Variants in PPP1R42 observed in about 807,000 individuals in gnomAD.
The protein encoded by PPP1R42 is leucine rich repeat containing 67.
In PPP1R42, 34 loss-of-function variants were observed where a neutral mutation model predicts 31.0. The observed-to-expected ratio is 1.10, with a 90% CI of 0.83 to 1.46. The LOEUF (loss-of-function observed/expected upper bound fraction) is 1.46, where lower values mean the gene tolerates loss of function less well. Among genes scored for constraint, PPP1R42 ranks in the 40% most tolerant of loss-of-function variants. The pLI is 0.00. For synonymous variants in PPP1R42, 103 were observed against 109.8 expected (o/e 0.94, Z 0.39); for missense variants, 268 against 303.0 (o/e 0.88, Z 0.86).
At chr8:67,002,719 C>T (rs1295987629) in intron 5 of PPP1R42, among the ~76,000 whole-genome samples, 12 of 137,118 alleles carry the variant, frequency 8.8e-5, no homozygotes, top group African/African-American at 3.0e-4. Context: ...CTGTTGCCCC[C>T]GCTTTTTTTT....
intron 5 of PPP1R42, among the ~76,000 whole-genome samples, chr8:67,003,918 G>A (rs554901829): frequency 2.6e-4 from 40 of 152,168 alleles, no homozygotes; most frequent in African/African-American, 8.4e-4. Context: ...GTGAAACCCC[G>A]TCTCTACTAA....
At chr8:66,986,463 C>T (rs1385286049) in intron 6 of PPP1R42, among the ~76,000 whole-genome samples, 1 of 152,194 alleles carries the variant, frequency 6.6e-6, no homozygotes, top group Non-Finnish European at 1.5e-5. Flanking sequence ...TCTGACTGCC[C>T]TAGGCCTGTT....
At chr8:67,009,968 A>C (rs1311276894) in intron 5 of PPP1R42, among the ~76,000 whole-genome samples, 1 of 152,222 alleles carries the variant, frequency 6.6e-6, no homozygotes, top group Admixed American at 6.5e-5. Context: ...ACCACAGCTC[A>C]TTCCGTTGCC....
chr8:67,006,534 T>C (rs1390165199), intron 5 of PPP1R42, among the ~76,000 whole-genome samples: 2 of 152,152 alleles, frequency 1.3e-5, no homozygotes, highest in African/African-American at 2.4e-5. Flanking sequence ...GCTAATTTCT[T>C]TTTTAATTTT....
chr8:67,011,811 C>T (rs975932518), intron 4 of PPP1R42, among the ~76,000 whole-genome samples: 2 of 152,108 alleles, frequency 1.3e-5, no homozygotes, highest in African/African-American at 4.8e-5. Context: ...AGTGTAGTAT[C>T]TGTTCTTGTT....
At chr8:67,012,934 C>A in intron 4 of PPP1R42, 24 bp downstream of exon 4, 1 of 1,583,342 alleles carries the variant, frequency 6.3e-7, no homozygotes, top group South Asian at 1.2e-5. Flanking sequence ...TATTCCTTGT[C>A]AAAATATTCA....
chr8:67,014,764 G>C (rs897358819), intron 2 of PPP1R42, among the ~76,000 whole-genome samples, 172 bp from the exon 3 acceptor site: 17 of 152,046 alleles, frequency 1.1e-4, no homozygotes, highest in African/African-American at 3.6e-4. Context: ...GATTACAAAA[G>C]AAATTCTGTA....
chr8:67,014,589 C>T lies in PPP1R42; in HGVS notation c.133G>A (p.Asp45Asn), dbSNP rs760196151. Reference sequence around the variant, plus strand: ...CTAAGATTTTTGCAAAGAGAGAGGTCTTCCTAAAAGGGAAACAAAAACATG... The same window carrying T: ...CTAAGATTTTTGCAAAGAGAGAGGTTTTCCTAAAAGGGAAACAAAAACATG... ...FSDKNIDAIE[D>N]LSLCKNLSVL... The change falls in exon 3 of 8, where the codon GAC becomes AAC. Residue 45 changes from aspartate (D) to asparagine (N), a missense_variant. Transcript: ENST00000685739. 71 of 1,525,388 alleles carry T rather than the reference C, an allele frequency of 4.7e-5. No individual in the cohort carries two copies. Among genetic ancestry groups the T allele is most frequent in the Admixed American group, 6.3e-5 (3 of 47,290 alleles). The allele number at this position is 1,525,388 out of a possible 1,614,324, so 94.5% of individuals were successfully genotyped here.
chr8:67,001,012 T>A (rs558991429), intron 5 of PPP1R42, among the ~76,000 whole-genome samples: 1 of 152,206 alleles, frequency 6.6e-6, no homozygotes, highest in African/African-American at 2.4e-5. Flanking sequence ...AGGATTGTTA[T>A]GTTTTCTTAA....
chr8:66,964,867 C>A (rs985230444), intron 7 of PPP1R42, among the ~76,000 whole-genome samples: 2 of 152,106 alleles, frequency 1.3e-5, no homozygotes, highest in African/African-American at 4.8e-5. Flanking sequence ...TTATAACCAT[C>A]AATGCAATAA....
intron 5 of PPP1R42, among the ~76,000 whole-genome samples, chr8:67,001,285 A>C (rs1815478697): frequency 6.6e-6 from 1 of 150,446 alleles, no homozygotes; most frequent in Non-Finnish European, 1.5e-5. Context: ...TCCTGGGCTC[A>C]AGTGATCCTC....
intron 5 of PPP1R42, among the ~76,000 whole-genome samples, chr8:66,995,323 A>G (rs1395168218): frequency 2.6e-5 from 4 of 152,254 alleles, no homozygotes; most frequent in African/African-American, 4.8e-5. Flanking sequence ...GGCAATGTCT[A>G]TATTCAGAAT....
At chr8:66,996,814 G>A (rs1815345352) in intron 5 of PPP1R42, among the ~76,000 whole-genome samples, 1 of 152,160 alleles carries the variant, frequency 6.6e-6, no homozygotes, top group South Asian at 2.1e-4. Context: ...ATATCCAGTT[G>A]TTCCACCATT....
chr8:66,990,200 A>C (rs1052680885), intron 5 of PPP1R42, among the ~76,000 whole-genome samples: 9 of 152,176 alleles, frequency 5.9e-5, no homozygotes, highest in Non-Finnish European at 1.2e-4. Flanking sequence ...TCTTACTCTA[A>C]AAACCTATAA....
intron 7 of PPP1R42, among the ~76,000 whole-genome samples, chr8:66,973,157 A>G (rs1194623842): frequency 6.6e-6 from 1 of 152,130 alleles, no homozygotes; most frequent in African/African-American, 2.4e-5. Flanking sequence ...TCCATTTTAA[A>G]TTATTAATAA....
chr8:66,995,102 A>G (rs919997009), intron 5 of PPP1R42, among the ~76,000 whole-genome samples: 3 of 152,182 alleles, frequency 2.0e-5, no homozygotes, highest in South Asian at 2.1e-4. Flanking sequence ...TTTTTTGCCT[A>G]TAGCACAGGG....
At chr8:66,987,287 CTTTTTTTT>C (rs71249412) in intron 6 of PPP1R42, among the ~76,000 whole-genome samples, 2 of 106,008 alleles carry the variant, frequency 1.9e-5, no homozygotes, top group African/African-American at 7.6e-5. Context: ...AGCAAATGAT[CTTTTTTTT>C]TTTTTTTTTT....
At chr8:66,968,404 C>T (rs965735824) in intron 7 of PPP1R42, 1 of 913,800 alleles carries the variant, frequency 1.1e-6, no homozygotes, top group Non-Finnish European at 1.3e-6. Context: ...GGGCACATAC[C>T]TTTAGCTTTT....
At chr8:66,994,885 A>C (rs866027798) in intron 5 of PPP1R42, among the ~76,000 whole-genome samples, 2 of 152,220 alleles carry the variant, frequency 1.3e-5, no homozygotes, top group Non-Finnish European at 1.5e-5. Flanking sequence ...GAACTACACT[A>C]GTTATTTCCT....
Sources: allele counts gnomAD v4.1 joint callset (sites outside exome capture counted in the v4.1 genomes callset), GRCh38; gene constraint gnomAD v4.1.1; transcripts MANE v1.5; gene names NCBI Gene and HGNC (gene_info 2026-07-23, HGNC 2026-07-21).